SPTY2D1: variants seen among roughly 807,000 people sequenced by gnomAD.
The protein encoded by SPTY2D1 is SPT2 chromatin protein domain containing 1.
Under a neutral mutation model 64.0 loss-of-function variants are expected in SPTY2D1, and 21 were observed. The observed-to-expected ratio is 0.33, with a 90% confidence interval of 0.23 to 0.47. The LOEUF (loss-of-function observed/expected upper bound fraction) is 0.47, where lower values mean the gene tolerates loss of function less well. SPTY2D1 is among the 20% of genes least tolerant of loss of function. The pLI, the probability that SPTY2D1 is intolerant of heterozygous loss-of-function variation, is 1.00. For missense variants in SPTY2D1, 724 were observed against 837.2 expected, an observed-to-expected ratio of 0.86 and a Z score of 1.67; for synonymous variants, 287 against 286.8, an observed-to-expected ratio of 1.00 and a Z score of -0.01.
At chr11:18,619,554 C>T (rs1422059120) in intron 1 of SPTY2D1, among the ~76,000 whole-genome samples, 2 of 151,346 alleles carry the variant, frequency 1.3e-5, no homozygotes, top group Non-Finnish European at 2.9e-5. Flanking sequence ...GTCAGGAGAT[C>T]GAGACCATCC....
intron 1 of SPTY2D1, among the ~76,000 whole-genome samples, chr11:18,621,345 G>GAAAAGAAAAGAAAAGAAAAGAAAAGAA (rs1565160986): frequency 2.4e-4 from 36 of 149,898 alleles, no homozygotes; most frequent in African/African-American, 8.9e-4. Flanking sequence ...GAAAAGAAAA[G>GAAAAGAAAAGAAAAGAAAAGAAAAGAA]AAAAGAAAAG....
intron 5 of SPTY2D1, 120 bp from the exon 6 acceptor site, chr11:18,610,074 C>T (rs1014843326): frequency 1.2e-6 from 1 of 802,106 alleles, no homozygotes; most frequent in Non-Finnish European, 2.0e-6. Flanking sequence ...CAAAATGCCT[C>T]AAGGCTTTAC....
chr11:18,625,988 C>T (rs1854491374), intron 1 of SPTY2D1, among the ~76,000 whole-genome samples: 1 of 151,654 alleles, frequency 6.6e-6, no homozygotes, highest in South Asian at 2.1e-4. Context: ...CCCAGGTAAT[C>T]TTTTGTATTT....
intron 1 of SPTY2D1, among the ~76,000 whole-genome samples, chr11:18,629,656 T>C (rs1441270980): frequency 6.6e-6 from 1 of 152,194 alleles, no homozygotes; most frequent in Non-Finnish European, 1.5e-5. Flanking sequence ...CTCCTTTATA[T>C]ATAAACAGAG....
At chr11:18,617,677 C>T (rs1854323154) in intron 1 of SPTY2D1, among the ~76,000 whole-genome samples, 1 of 150,046 alleles carries the variant, frequency 6.7e-6, no homozygotes, top group Non-Finnish European at 1.5e-5. Flanking sequence ...TGCGGTGGCT[C>T]ACGCCTATAA....
chr11:18,632,793 T>C (rs2134120451), intron 1 of SPTY2D1, among the ~76,000 whole-genome samples: 1 of 152,360 alleles, frequency 6.6e-6, no homozygotes, highest in East Asian at 1.9e-4. Context: ...AGCTACTGGC[T>C]TTCAGAATAA....
At position 18,612,126 on chromosome 11, in the gene SPTY2D1, A is replaced by C; in HGVS notation, c.1886+188T>G. The C allele has an allele frequency of 2.3e-6, 1 of 426,900 alleles. No individual in the cohort carries two copies. The highest frequency in any genetic ancestry group is 2.0e-5 in the African/African-American group (1 of 49,094). 26.4% of individuals were successfully genotyped at this position (426,900 alleles called of 1,614,324 possible). On this transcript the variant is annotated intron_variant, in intron 4 of 5. Coordinates refer to ENST00000336349, the MANE Select transcript of SPTY2D1 (RefSeq NM_194285.3). This position sits in a 1 kb window ranked among gnomAD's most constrained non-coding sequence, Gnocchi z 4.6. ...TTGTTCCTCATGCAAATAACTACAGAAACTATTTTGAATTAAATATAAAAT... is the reference window on the plus strand; with the variant it reads ...TTGTTCCTCATGCAAATAACTACAGCAACTATTTTGAATTAAATATAAAAT...
chr11:18,627,095 C>G (rs1018957388), intron 1 of SPTY2D1, among the ~76,000 whole-genome samples: 1 of 151,566 alleles, frequency 6.6e-6, no homozygotes, highest in Admixed American at 6.6e-5. Flanking sequence ...TTTTTTGTAC[C>G]AGGCTCAGAC....
Position 18,634,341 on chromosome 11 carries a change from C to T in SPTY2D1, c.-84G>A. The T allele has an allele frequency of 1.4e-6, 2 of 1,466,236 alleles. No homozygotes were observed. Among genetic ancestry groups the T allele is most frequent in the South Asian group, 1.1e-5 (1 of 87,840 alleles). 90.8% of individuals were successfully genotyped at this position (1,466,236 alleles called of 1,614,324 possible). A position where few individuals can be genotyped will look rare whatever the true frequency, so the allele number is the denominator to read the frequency against. ...AACCGAGGCGCCCAGCTACAGCCAA[C>T]TGCACTGCCTCGGGAGCCCCACTCC... On this transcript the variant is annotated 5_prime_UTR_variant, in exon 1 of 6. Coordinates refer to ENST00000336349, the MANE Select transcript of SPTY2D1 (RefSeq NM_194285.3).
chr11:18,629,464 C>T lies in SPTY2D1; in HGVS notation c.60+4734G>A, dbSNP rs2134118632. 2.0e-5 allele frequency among the ~76,000 whole-genome samples: 3 copies of T among 152,200 alleles called. 1 individual carries two copies. Among genetic ancestry groups the T allele is most frequent in the African/African-American group, 7.2e-5 (3 of 41,542 alleles). On this transcript the variant is annotated intron_variant, in intron 1 of 5. Coordinates refer to ENST00000336349, the MANE Select transcript of SPTY2D1 (RefSeq NM_194285.3). Reference sequence around the variant, plus strand: ...GGTTGCAGTGAGCCCAGATCGCTCACTGCATTCCAGCCTGGGCGACAGAGT... The same window carrying T: ...GGTTGCAGTGAGCCCAGATCGCTCATTGCATTCCAGCCTGGGCGACAGAGT...
In SPTY2D1 at chr11:18,634,308, G is replaced by C. The variant is rs375178167; in HGVS notation, c.-51C>G. On this transcript the variant is annotated 5_prime_UTR_variant, in exon 1 of 6. Transcript: ENST00000336349. ...GCCAGGCACTCGGAAAGGACTGACAGCGCACCTAACCGAGGCGCCCAGCTA... is the reference window on the plus strand; with the variant it reads ...GCCAGGCACTCGGAAAGGACTGACACCGCACCTAACCGAGGCGCCCAGCTA... The C allele has an allele frequency of 1.2e-6, 2 of 1,602,596 alleles. No homozygotes were observed. Among genetic ancestry groups the C allele is most frequent in the Non-Finnish European group, 1.7e-6 (2 of 1,170,726 alleles).
At position 18,612,887 on chromosome 11, in the gene SPTY2D1, C is replaced by T. The variant is rs1854229661; in HGVS notation, c.1712-399G>A. ...TCAAGCAATTCTCCTGCCTCAGCCT[C>T]CCGAGTAGCTGGGATTATAGGCATG... On this transcript the variant is annotated intron_variant, in intron 3 of 5. Transcript: ENST00000336349. The surrounding 1 kb of genome is among the most constrained non-coding windows in gnomAD (Gnocchi z 4.6). Among the ~76,000 whole-genome samples the T allele has an allele frequency of 6.6e-6, 1 of 152,012 alleles. No individual in the cohort carries two copies. Among genetic ancestry groups the T allele is most frequent in the African/African-American group, 2.4e-5 (1 of 41,374 alleles).
Position 18,634,323 on chromosome 11 carries a change from G to C in SPTY2D1, c.-66C>G. ...AGGACTGACAGCGCACCTAACCGAG[G>C]CGCCCAGCTACAGCCAACTGCACTG... On this transcript the variant is annotated 5_prime_UTR_variant, in exon 1 of 6. Coordinates refer to ENST00000336349, the MANE Select transcript of SPTY2D1 (RefSeq NM_194285.3). 3 of 1,569,936 alleles carry C rather than the reference G, an allele frequency of 1.9e-6. No homozygotes were observed. Among genetic ancestry groups the C allele is most frequent in the Non-Finnish European group, 2.6e-6 (3 of 1,142,606 alleles).
Position 18,614,644 on chromosome 11 carries a change from A to C in SPTY2D1, c.1630T>G (p.Ser544Ala). The C allele has an allele frequency of 6.2e-7, 1 of 1,614,236 alleles. No homozygotes were observed. The highest frequency in any genetic ancestry group is 8.5e-7 in the Non-Finnish European group (1 of 1,180,042). Reference protein sequence around the residue: ...KCTVVSETISSKNIISRSSNG... With the variant: ...KCTVVSETISAKNIISRSSNG... ...CTGGACCGGCTAATGATATTCTTGG[A>C]AGAAATTGTTTCGGAGACAACAGTG... The change falls in exon 3 of 6, where the codon TCC becomes GCC. Residue 544 changes from serine (S) to alanine (A), a missense_variant. Ser to Ala is a moderately conservative substitution (Grantham distance 99). Transcript: ENST00000336349.
Position 18,606,723 on chromosome 11 carries a change from T to C in SPTY2D1, c.*3138A>G, listed in dbSNP as rs573455636. ...CCAGTCTCTCTTCATATATTTATTC[T>C]CTTTCCAAACATGTTTTGGTCTCCT... On this transcript the variant is annotated 3_prime_UTR_variant, in exon 6 of 6. Coordinates refer to ENST00000336349, the MANE Select transcript of SPTY2D1 (RefSeq NM_194285.3). The C allele has an allele frequency of 1.1e-3, 437 of 404,374 alleles. 2 individuals carry two copies. Among genetic ancestry groups the C allele is most frequent in the African/African-American group, 8.7e-3 (403 of 46,144 alleles). 25.0% of individuals were successfully genotyped at this position (404,374 alleles called of 1,614,324 possible). A position where few individuals can be genotyped will look rare whatever the true frequency, so the allele number is the denominator to read the frequency against.
At chr11:18,632,635 C>A (rs943786887) in intron 1 of SPTY2D1, among the ~76,000 whole-genome samples, 4 of 152,230 alleles carry the variant, frequency 2.6e-5, no homozygotes, top group East Asian at 3.8e-4. Flanking sequence ...AGGCCTGAGC[C>A]ATTGCGCCCA....
intron 1 of SPTY2D1, among the ~76,000 whole-genome samples, chr11:18,633,410 T>C (rs1854619601): frequency 6.6e-6 from 1 of 152,232 alleles, no homozygotes; most frequent in Admixed American, 6.5e-5. Flanking sequence ...TGGAAATGAT[T>C]AGCTTATGCA....
At position 18,616,787 on chromosome 11, in the gene SPTY2D1, T is replaced by G. The variant is rs540721136; in HGVS notation, c.175+88A>C. 2.3e-6 allele frequency: 3 copies of G among 1,286,110 alleles called. No individual in the cohort carries two copies. In the South Asian group the frequency reaches 4.0e-5, roughly 17 times the overall value. The allele number at this position is 1,286,110 out of a possible 1,614,324, so 79.7% of individuals were successfully genotyped here. A position where few individuals can be genotyped will look rare whatever the true frequency, so the allele number is the denominator to read the frequency against. ...CCCTCCCAAATCTGTTGGCCTGTTA[T>G]GTTTTTATAGACAGCCACTGGTTTA... On this transcript the variant is annotated intron_variant, in intron 2 of 5. Coordinates refer to ENST00000336349, the MANE Select transcript of SPTY2D1 (RefSeq NM_194285.3).
At chr11:18,610,367 A>G (rs1297989808) in intron 5 of SPTY2D1, 1 of 162,440 alleles carries the variant, frequency 6.2e-6, no homozygotes, top group Admixed American at 6.0e-5. Context: ...TTATTTACCT[A>G]TAATAACATT....
Sources: gnomAD v4.1 joint callset for allele counts (sites outside exome capture counted in the v4.1 genomes callset) on GRCh38, gnomAD v4.1.1 for gene constraint, Gnocchi (gnomAD v3.1) non-coding constraint, MANE v1.5 for transcripts, NCBI Gene and HGNC (gene_info 2026-07-23, HGNC 2026-07-21) for gene names.